COX11: variants seen among roughly 807,000 people sequenced by gnomAD.
COX11 encodes the protein cytochrome c oxidase assembly protein COX11, mitochondrial.
A neutral mutation model predicts 29.4 loss-of-function variants in COX11; 18 were observed. That is an observed-to-expected ratio of 0.61 (90% CI 0.42 to 0.91). The LOEUF is 0.91. Ranked by LOEUF, COX11 falls within the 40% of genes least tolerant of loss-of-function variation. COX11 has a pLI of 0.00. For missense variants in COX11, 312 were observed against 346.0 expected (o/e 0.90, Z 0.78); for synonymous variants, 131 against 124.0 (o/e 1.06, Z -0.38).
At position 54,962,744 on chromosome 17, in the gene COX11, C is replaced by T. The variant is rs1385385472; in HGVS notation, c.820G>A (p.Gly274Arg). Residue 274 changes from glycine (G) to arginine (R), a missense_variant, in exon 4 of 4, where the codon GGA becomes AGA. Transcript: ENST00000299335. The part of the protein sequence containing the change: ...AKEGHKLPVP[G>R]YN ...CTTAGTTGCTGACTTCAATTATATC[C>T]TGGAACTGGCAACTTGTGCCCTTCC... 2 of 1,610,888 alleles carry T rather than the reference C, an allele frequency of 1.2e-6. No individual in the cohort carries two copies. The highest frequency in any genetic ancestry group is 1.3e-5 in the African/African-American group (1 of 74,802).
downstream of COX11, chr17:54,958,499 G>A (rs1823484431): frequency 6.6e-6 from 1 of 152,278 alleles, no homozygotes; most frequent in Admixed American, 6.5e-5. Context: ...GAGAGGCCAA[G>A]GCAGGCGGAT....
chr17:54,965,701 C>T (rs371643420), intron 1 of COX11, among the ~76,000 whole-genome samples: 34 of 152,126 alleles, frequency 2.2e-4, no homozygotes, highest in African/African-American at 7.2e-4. Flanking sequence ...TGGTGACACG[C>T]GCCTGTAGTC....
At chr17:54,958,624 G>A (rs141069628), downstream of COX11, among the ~76,000 whole-genome samples, 55 of 151,948 alleles carry the variant, frequency 3.6e-4, no homozygotes, top group African/African-American at 5.8e-4. Flanking sequence ...CCAACTATTC[G>A]GGAGGATGAA....
chr17:54,961,201 A>T lies in COX11; in HGVS notation c.*1532T>A. On this transcript the variant is annotated 3_prime_UTR_variant, in exon 4 of 4. Transcript: ENST00000299335. ...AGGAATGGGGAAAGAGAAGGACAGGATGAATACTGGCCATTTTCTTCTCTT... is the reference window on the plus strand; with the variant it reads ...AGGAATGGGGAAAGAGAAGGACAGGTTGAATACTGGCCATTTTCTTCTCTT... 8 of 1,346,544 alleles carry T rather than the reference A, an allele frequency of 5.9e-6. No homozygotes were observed. Among genetic ancestry groups the T allele is most frequent in the Non-Finnish European group, 5.2e-6 (5 of 959,570 alleles). 83.4% of individuals were successfully genotyped at this position (1,346,544 alleles called of 1,614,324 possible). A position where few individuals can be genotyped will look rare whatever the true frequency, so the allele number is the denominator to read the frequency against.
At chr17:54,964,238 TATTG>T (rs1326782627) in intron 2 of COX11, among the ~76,000 whole-genome samples, 2 of 152,152 alleles carry the variant, frequency 1.3e-5, no homozygotes, top group Non-Finnish European at 2.9e-5. Flanking sequence ...ATTTACTACT[TATTG>T]ATTATTTCAA....
chr17:54,966,115 T>G (rs2077212809), intron 1 of COX11, among the ~76,000 whole-genome samples: 1 of 152,234 alleles, frequency 6.6e-6, no homozygotes, highest in Admixed American at 6.5e-5. Context: ...TTGTTTATCC[T>G]TCTGCCTGAG....
chr17:54,968,283 G>A lies in COX11; in HGVS notation c.364C>T (p.Gln122Ter). 1 of 1,611,018 alleles carries A rather than the reference G, an allele frequency of 6.2e-7. No homozygotes were observed. The highest frequency in any genetic ancestry group is 8.5e-7 in the Non-Finnish European group (1 of 1,178,946). ...AAVPLYRLYC[Q>*]TTGLGGSAVA... is the part of the protein sequence containing the mutation. Reference sequence around the variant, plus strand: ...CTGCGGGCGGCGCCGGCCCCTACCTGGCAATAGAGCCGATAAAGGGGTACG... The same window carrying A: ...CTGCGGGCGGCGCCGGCCCCTACCTAGCAATAGAGCCGATAAAGGGGTACG... The change falls in exon 1 of 4, where the codon CAG (glutamine) becomes TAG (stop). Residue 122 changes from glutamine to a stop codon, truncating the protein, a stop_gained and splice_region_variant. Coordinates refer to ENST00000299335, the MANE Select transcript of COX11 (RefSeq NM_004375.5). LOFTEE classifies it high-confidence loss of function.
chr17:54,953,157 T>C (rs2049320623), exon 1 of COX11: 2 of 152,282 alleles, frequency 1.3e-5, no homozygotes, highest in South Asian at 4.1e-4. Flanking sequence ...GGCTGGAGGA[T>C]CACTTGAGCC....
chr17:54,968,728 G>T (rs548288753), upstream of COX11: 2 of 1,476,300 alleles, frequency 1.4e-6, no homozygotes, highest in Non-Finnish European at 1.8e-6. Flanking sequence ...GCGAGATCTG[G>T]GTTGAGCCTG....
At position 54,961,434 on chromosome 17, in the gene COX11, C is replaced by T. The variant is rs1305950296; in HGVS notation, c.*1299G>A. 3 of 1,509,562 alleles carry T rather than the reference C, an allele frequency of 2.0e-6. No individual in the cohort carries two copies. The highest frequency in any genetic ancestry group is 2.8e-5 in the African/African-American group (2 of 71,298). The allele number at this position is 1,509,562 out of a possible 1,614,324, so 93.5% of individuals were successfully genotyped here. ...TCCTGACAACAGCGTGAGATTTCAA[C>T]AGAACTTGTTTGGAACAAATACTCA... On this transcript the variant is annotated 3_prime_UTR_variant, in exon 4 of 4. Coordinates refer to ENST00000299335, the MANE Select transcript of COX11 (RefSeq NM_004375.5).
At chr17:54,956,154 T>A (rs1377926169), downstream of COX11, among the ~76,000 whole-genome samples, 1 of 152,190 alleles carries the variant, frequency 6.6e-6, no homozygotes, top group African/African-American at 2.4e-5. Flanking sequence ...AGGTTATTAT[T>A]ATTTTTTCTT....
At chr17:54,968,011 T>TTTTTTG (rs2077291157) in intron 1 of COX11, among the ~76,000 whole-genome samples, 5 of 150,358 alleles carry the variant, frequency 3.3e-5, no homozygotes, top group African/African-American at 2.5e-5. Flanking sequence ...TTTTTTTTTT[T>TTTTTTG]GGCGAGGTGC....
At chr17:54,963,544 T>C in intron 2 of COX11, 113 bp from the exon 3 acceptor site, 1 of 1,018,134 alleles carries the variant, frequency 9.8e-7, no homozygotes, top group East Asian at 2.8e-5. Context: ...ATACCTAATC[T>C]AATGTAGGGT....
At chr17:54,958,635 T>C (rs1190971914), downstream of COX11, among the ~76,000 whole-genome samples, 2 of 148,118 alleles carry the variant, frequency 1.4e-5, no homozygotes, top group Non-Finnish European at 3.0e-5. Context: ...GGAGGATGAA[T>C]AGGAGAATCG....
At position 54,961,118 on chromosome 17, in the gene COX11, C is replaced by A; in HGVS notation, c.*1615G>T. On this transcript the variant is annotated 3_prime_UTR_variant, in exon 4 of 4. Transcript: ENST00000299335. ...CCCCTATGGAAGAAGCACATTCTTA[C>A]CTTTCTTCTACTAGACTGTGACTCT... 1 of 754,156 alleles carries A rather than the reference C, an allele frequency of 1.3e-6. No individual in the cohort carries two copies. The allele number at this position is 754,156 out of a possible 1,614,324, so 46.7% of individuals were successfully genotyped here.
chr17:54,965,566 AAAG>A (rs1236539625), intron 1 of COX11, among the ~76,000 whole-genome samples: 1 of 152,142 alleles, frequency 6.6e-6, no homozygotes, highest in Non-Finnish European at 1.5e-5. Flanking sequence ...ACTTTTAAAA[AAAG>A]CCCTTACCCA....
chr17:54,966,930 C>A (rs2077228128), intron 1 of COX11, among the ~76,000 whole-genome samples: 1 of 152,166 alleles, frequency 6.6e-6, no homozygotes. Context: ...AATCCCAGCA[C>A]TTTGGGAGGC....
At position 54,961,857 on chromosome 17, in the gene COX11, T is replaced by A. The variant is rs2077132590; in HGVS notation, c.*876A>T. 2 of 959,776 alleles carry A rather than the reference T, an allele frequency of 2.1e-6. No homozygotes were observed. Among genetic ancestry groups the A allele is most frequent in the African/African-American group, 3.5e-5 (2 of 56,702 alleles). 59.5% of individuals were successfully genotyped at this position (959,776 alleles called of 1,614,324 possible). A position where few individuals can be genotyped will look rare whatever the true frequency, so the allele number is the denominator to read the frequency against. The stretch of plus-strand genomic sequence containing the variant: ...TGTAATGCTAAATAGCCTTTTTTTC[T>A]CTTTTTACTGCAACTTAATATTTCT... On this transcript the variant is annotated 3_prime_UTR_variant, in exon 4 of 4. Coordinates refer to ENST00000299335, the MANE Select transcript of COX11 (RefSeq NM_004375.5).
In COX11 at chr17:54,962,380, CAT is replaced by C; in HGVS notation, c.*351_*352del. On this transcript the variant is annotated 3_prime_UTR_variant, in exon 4 of 4. Coordinates refer to ENST00000299335, the MANE Select transcript of COX11 (RefSeq NM_004375.5). ...ACCCTGAGCATACATTTTTGAAAAA[CAT>C]TGTCAGATTCATTGCTGTAAGTATG... 1.0e-6 allele frequency: 1 copy of C among 993,860 alleles called. No individual in the cohort carries two copies. Among genetic ancestry groups the C allele is most frequent in the South Asian group, 4.6e-5 (1 of 21,814 alleles). The allele number at this position is 993,860 out of a possible 1,614,324, so 61.6% of individuals were successfully genotyped here. A position where few individuals can be genotyped will look rare whatever the true frequency, so the allele number is the denominator to read the frequency against.
Sources: allele counts gnomAD v4.1 joint callset (sites outside exome capture counted in the v4.1 genomes callset), GRCh38; gene constraint gnomAD v4.1.1; transcripts MANE v1.5; gene names NCBI Gene and HGNC (gene_info 2026-07-23, HGNC 2026-07-21).